CRB1: variants seen among roughly 807,000 people sequenced by gnomAD.
CRB1 encodes the protein crumbs cell polarity complex component 1.
CRB1 carries 83 observed loss-of-function variants against 120.0 expected under a neutral mutation model. The ratio of observed to expected loss-of-function variants is 0.69; its 90% confidence interval spans 0.58 to 0.83. The LOEUF (loss-of-function observed/expected upper bound fraction) is 0.83, where lower values mean the gene tolerates loss of function less well. Among genes scored for constraint, CRB1 ranks in the 40% least tolerant of loss-of-function variants. The pLI is 0.00. For missense variants in CRB1, 1,699 were observed against 1,687.6 expected, an observed-to-expected ratio of 1.01 and a Z score of -0.12; for synonymous variants, 625 against 612.5, an observed-to-expected ratio of 1.02 and a Z score of -0.30.
chr1:197,405,200 C>T (rs1285637528), intron 5 of CRB1, among the ~76,000 whole-genome samples: 7 of 152,052 alleles, frequency 4.6e-5, no homozygotes, highest in Non-Finnish European at 7.4e-5. Context: ...CTTAGCCTGC[C>T]GAGTGCCTGC....
At chr1:197,308,324 C>T (rs1657296022) in intron 1 of CRB1, among the ~76,000 whole-genome samples, 1 of 152,142 alleles carries the variant, frequency 6.6e-6, no homozygotes, top group African/African-American at 2.4e-5. Flanking sequence ...GGGTACTATA[C>T]TCACTATGTA....
chr1:197,329,532 T>C (rs1658730615), intron 2 of CRB1, among the ~76,000 whole-genome samples: 1 of 152,210 alleles, frequency 6.6e-6, no homozygotes, highest in African/African-American at 2.4e-5. Flanking sequence ...GAGCAAACAA[T>C]TGTACCTCAT....
At chr1:197,327,075 C>T (rs1436745917) in intron 1 of CRB1, among the ~76,000 whole-genome samples, 3 of 124,100 alleles carry the variant, frequency 2.4e-5, no homozygotes, top group Non-Finnish European at 4.8e-5. Flanking sequence ...AATTTAGTGA[C>T]TTAATTCTCA....
intron 1 of CRB1, among the ~76,000 whole-genome samples, chr1:197,293,628 A>G (rs1450685386): frequency 1.3e-5 from 2 of 152,154 alleles, no homozygotes; most frequent in African/African-American, 4.8e-5. Flanking sequence ...CAAAAGAACA[A>G]AGCTGAAGGC....
intron 5 of CRB1, among the ~76,000 whole-genome samples, chr1:197,367,317 A>G (rs1661128719): frequency 6.6e-6 from 1 of 152,168 alleles, no homozygotes; most frequent in Non-Finnish European, 1.5e-5. Context: ...GAGGAAAATG[A>G]TGCGCAAAGT....
At chr1:197,203,368 G>GGAGT in the CRB1 span, among the ~76,000 whole-genome samples, 2 of 151,966 alleles carry the variant, frequency 1.3e-5, no homozygotes, top group Non-Finnish European at 2.9e-5. Flanking sequence ...CACCCAGGCT[G>GGAGT]GAGTGCAGTG....
the CRB1 span, among the ~76,000 whole-genome samples, chr1:197,214,305 A>AT: frequency 9.2e-3 from 1,391 of 151,710 alleles, 11 homozygotes; most frequent in African/African-American, 0.022. Flanking sequence ...TTACATGTGG[A>AT]TTTTTTTTTC....
Position 197,354,348 on chromosome 1 carries a change from A to G in CRB1, c.989-2483A>G, listed in dbSNP as rs554650548. Among the ~76,000 whole-genome samples, 6 of 152,292 alleles carry G rather than the reference A, an allele frequency of 3.9e-5. No individual in the cohort carries two copies. The East Asian group carries it at 7.7e-4, about 20-fold the overall frequency. ...AGACAGCCATGTATAATTGTGTCCG[A>G]AATTGGTGGGTTGTTGGTCTGATTG... is the stretch of plus-strand genomic sequence containing the variant. On this transcript the variant is annotated intron_variant, in intron 4 of 11. Coordinates refer to ENST00000367400, the MANE Select transcript of CRB1 (RefSeq NM_201253.3).
the CRB1 span, among the ~76,000 whole-genome samples, chr1:197,234,474 G>C: frequency 6.6e-6 from 1 of 152,156 alleles, no homozygotes; most frequent in Non-Finnish European, 1.5e-5. Context: ...GCAACCTCAG[G>C]CAACAAATTG....
At chr1:197,389,689 A>T (rs1477639418) in intron 5 of CRB1, among the ~76,000 whole-genome samples, 8 of 150,752 alleles carry the variant, frequency 5.3e-5, no homozygotes, top group African/African-American at 1.9e-4. Flanking sequence ...TGTCAATTTT[A>T]TGTTATGTAT....
At chr1:197,319,506 A>T (rs1558050959) in intron 1 of CRB1, among the ~76,000 whole-genome samples, 1 of 151,196 alleles carries the variant, frequency 6.6e-6, no homozygotes, top group Admixed American at 6.6e-5. Context: ...TGAAAATAGA[A>T]TTTCTTAATA....
the CRB1 span, among the ~76,000 whole-genome samples, chr1:197,248,135 GTCATTATTTTATA>G: frequency 1.3e-5 from 2 of 151,968 alleles, no homozygotes; most frequent in Admixed American, 1.3e-4. Flanking sequence ...TTTCCTAAAT[GTCATTATTTTATA>G]TGAAAAATGC....
chr1:197,206,835 T>G, the CRB1 span, among the ~76,000 whole-genome samples: 2 of 152,162 alleles, frequency 1.3e-5, no homozygotes. Flanking sequence ...CAGTGGAGTA[T>G]TGAAGTCCCC....
the CRB1 span, chr1:197,222,192 T>G: frequency 2.3e-6 from 1 of 435,778 alleles, no homozygotes; most frequent in Non-Finnish European, 4.3e-6. Context: ...CGCTCCTTGT[T>G]GCCCTGCACT....
intron 1 of CRB1, among the ~76,000 whole-genome samples, chr1:197,304,806 A>G (rs577616531): frequency 1.6e-4 from 24 of 152,326 alleles, no homozygotes; most frequent in African/African-American, 5.8e-4. Context: ...GGCAGTTTTG[A>G]CAAAGGCAGT....
the CRB1 span, among the ~76,000 whole-genome samples, chr1:197,221,614 CACTG>C: frequency 6.6e-6 from 1 of 152,158 alleles, no homozygotes; most frequent in African/African-American, 2.4e-5. Flanking sequence ...AGACATTTCT[CACTG>C]ATTAGTAGTA....
intron 7 of CRB1, chr1:197,429,173 A>G: frequency 2.6e-6 from 4 of 1,529,278 alleles, no homozygotes; most frequent in East Asian, 2.5e-5. Context: ...TTTGTAAATT[A>G]CAGAGGACAC....
intron 5 of CRB1, among the ~76,000 whole-genome samples, chr1:197,374,191 A>T (rs1171748198): frequency 1.3e-5 from 2 of 152,196 alleles, no homozygotes; most frequent in Non-Finnish European, 2.9e-5. Context: ...CCATCTAGAT[A>T]GATGCTGGGT....
At chr1:197,205,539 G>A in the CRB1 span, among the ~76,000 whole-genome samples, 2 of 152,056 alleles carry the variant, frequency 1.3e-5, no homozygotes, top group South Asian at 4.1e-4. Context: ...TGTTTATGTG[G>A]TGTATCACAT....
Sources: gnomAD v4.1 joint callset for allele counts (sites outside exome capture counted in the v4.1 genomes callset) on GRCh38, gnomAD v4.1.1 for gene constraint, MANE v1.5 for transcripts, NCBI Gene and HGNC (gene_info 2026-07-23, HGNC 2026-07-21) for gene names.